SESN3: variants seen among roughly 807,000 people sequenced by gnomAD.
The protein encoded by SESN3 is sestrin 3, also known as sestrin-3.
A neutral mutation model predicts 55.3 loss-of-function variants in SESN3; 21 were observed. The observed-to-expected ratio is 0.38, with a 90% CI of 0.27 to 0.55. The LOEUF (loss-of-function observed/expected upper bound fraction) is 0.55, where lower values mean the gene tolerates loss of function less well. SESN3 is among the 20% of genes least tolerant of loss of function. The pLI is 0.76. For missense variants in SESN3, 408 were observed against 604.3 expected (o/e 0.68, Z 3.41); for synonymous variants, 181 against 203.1 (o/e 0.89, Z 0.93).
intron 1 of SESN3, among the ~76,000 whole-genome samples, chr11:95,228,614 ATTCTC>A (rs1860992136): frequency 6.6e-6 from 1 of 152,206 alleles, no homozygotes; most frequent in Non-Finnish European, 1.5e-5. Flanking sequence ...CTACATACTG[ATTCTC>A]TTAAGAGCAC....
chr11:95,173,173 G>C lies in SESN3; in HGVS notation c.*82C>G. 2 of 720,888 alleles carry C rather than the reference G, an allele frequency of 2.8e-6. No homozygotes were observed. The highest frequency in any genetic ancestry group is 2.2e-5 in the Admixed American group (1 of 44,734). The allele number at this position is 720,888 out of a possible 1,614,324, so 44.7% of individuals were successfully genotyped here. ...GACACTAGAGAACTGAATAATTTTT[G>C]ATGCTATATCACAAATAGCTTCAAT... On this transcript the variant is annotated 3_prime_UTR_variant, in exon 10 of 10. Coordinates refer to ENST00000536441, the MANE Select transcript of SESN3 (RefSeq NM_144665.4).
At chr11:95,213,285 C>A (rs1382084781) in intron 1 of SESN3, among the ~76,000 whole-genome samples, 1 of 152,094 alleles carries the variant, frequency 6.6e-6, no homozygotes, top group Non-Finnish European at 1.5e-5. Context: ...TTAACAGTAA[C>A]CTCAGAGTAT....
At chr11:95,224,481 T>C (rs1860913884) in intron 1 of SESN3, 1 of 437,972 alleles carries the variant, frequency 2.3e-6, no homozygotes, top group Non-Finnish European at 4.5e-6. Flanking sequence ...TTGGCTGCTC[T>C]TGGCTGAAAA....
At chr11:95,186,711 C>T (rs566877224) in intron 4 of SESN3, among the ~76,000 whole-genome samples, 30 of 150,994 alleles carry the variant, frequency 2.0e-4, no homozygotes, top group South Asian at 1.3e-3. Flanking sequence ...CACTATGTAC[C>T]CCATGGATAT....
At chr11:95,226,051 G>C (rs1287254289) in intron 1 of SESN3, among the ~76,000 whole-genome samples, 1 of 145,588 alleles carries the variant, frequency 6.9e-6, no homozygotes, top group Non-Finnish European at 1.5e-5. Flanking sequence ...AAAAAAAAAA[G>C]TCATTCTGAC....
intron 9 of SESN3, among the ~76,000 whole-genome samples, chr11:95,174,833 A>C (rs1859925327): frequency 1.3e-5 from 2 of 152,066 alleles, no homozygotes; most frequent in Admixed American, 1.3e-4. Context: ...TTTATTGACT[A>C]GTAACCCAAT....
At chr11:95,232,402 C>T (rs574065418), upstream of SESN3, 1 of 152,396 alleles carries the variant, frequency 6.6e-6, no homozygotes, top group African/African-American at 2.4e-5. Flanking sequence ...TGATTGGTGC[C>T]CGGTCCTCAC....
In SESN3 at chr11:95,230,154, C is replaced by G. The variant is rs900159495; in HGVS notation, c.78+629G>C. On this transcript the variant is annotated intron_variant, in intron 1 of 9. Transcript: ENST00000536441. The surrounding 1 kb of genome is among the most constrained non-coding windows in gnomAD (Gnocchi z 4.6). Reference sequence around the variant, plus strand: ...CACCTCAGTCTTCTCCTCCCCCAACCCCAGCCTCAGGAACTGGCCAGGTCG... The same window carrying G: ...CACCTCAGTCTTCTCCTCCCCCAACGCCAGCCTCAGGAACTGGCCAGGTCG... 6 of 152,474 alleles carry G rather than the reference C, an allele frequency of 3.9e-5. No homozygotes were observed. The highest frequency in any genetic ancestry group is 7.3e-5 in the Non-Finnish European group (5 of 68,328). 9.4% of individuals were successfully genotyped at this position (152,474 alleles called of 1,614,324 possible). A position where few individuals can be genotyped will look rare whatever the true frequency, so the allele number is the denominator to read the frequency against.
intron 1 of SESN3, among the ~76,000 whole-genome samples, chr11:95,215,792 T>G (rs929683746): frequency 6.6e-6 from 1 of 152,194 alleles, no homozygotes; most frequent in African/African-American, 2.4e-5. Flanking sequence ...TTCCACTGAT[T>G]TATGTCTTCA....
chr11:95,197,787 T>A (rs1449449138), intron 1 of SESN3, among the ~76,000 whole-genome samples: 1 of 152,090 alleles, frequency 6.6e-6, no homozygotes, highest in Non-Finnish European at 1.5e-5. Flanking sequence ...ATGGAGCAGA[T>A]GAAGGAAAAA....
chr11:95,213,377 G>T (rs1263597195), intron 1 of SESN3, among the ~76,000 whole-genome samples: 1 of 152,126 alleles, frequency 6.6e-6, no homozygotes, highest in Admixed American at 6.5e-5. Flanking sequence ...ATTTAGTCAA[G>T]GGGCAAACAA....
intron 1 of SESN3, among the ~76,000 whole-genome samples, chr11:95,213,795 T>TC (rs1371595940): frequency 6.6e-6 from 1 of 152,196 alleles, no homozygotes; most frequent in Non-Finnish European, 1.5e-5. Context: ...ACTCTTTTTT[T>TC]CTCAGGCATG....
chr11:95,217,495 T>C (rs1860781176), intron 1 of SESN3, among the ~76,000 whole-genome samples: 1 of 151,738 alleles, frequency 6.6e-6, no homozygotes, highest in Non-Finnish European at 1.5e-5. Flanking sequence ...CTACTAAAAA[T>C]ACAAAAATTA....
intron 1 of SESN3, among the ~76,000 whole-genome samples, chr11:95,229,397 T>C (rs1026336602): frequency 2.6e-5 from 4 of 152,160 alleles, no homozygotes; most frequent in Admixed American, 2.6e-4. Flanking sequence ...AACATGCACA[T>C]TTAATAAAAA....
chr11:95,222,808 A>G (rs112339842), intron 1 of SESN3, among the ~76,000 whole-genome samples: 1 of 152,362 alleles, frequency 6.6e-6, no homozygotes, highest in African/African-American at 2.4e-5. Context: ...TTTTTGAAAG[A>G]CAAATAGGAA....
At chr11:95,198,825 C>G (rs556481196) in intron 1 of SESN3, among the ~76,000 whole-genome samples, 17 of 152,208 alleles carry the variant, frequency 1.1e-4, no homozygotes, top group African/African-American at 4.1e-4. Flanking sequence ...GCCAAAAGTT[C>G]TATGGTATAG....
chr11:95,194,710 A>AT (rs1860329493), intron 1 of SESN3, among the ~76,000 whole-genome samples: 1 of 152,130 alleles, frequency 6.6e-6, no homozygotes, highest in Non-Finnish European at 1.5e-5. Context: ...GGATTCCAAT[A>AT]TTGGTATTTC....
chr11:95,201,960 C>T (rs1321624618), intron 1 of SESN3, among the ~76,000 whole-genome samples: 1 of 151,986 alleles, frequency 6.6e-6, no homozygotes, highest in Non-Finnish European at 1.5e-5. Context: ...GATCTGCCTT[C>T]CCTTTTTCTC....
intron 9 of SESN3, among the ~76,000 whole-genome samples, 194 bp from the exon 10 acceptor site, chr11:95,173,535 T>TA (rs1330276061): frequency 6.6e-6 from 1 of 152,100 alleles, no homozygotes; most frequent in Non-Finnish European, 1.5e-5. Flanking sequence ...AAATAACCCA[T>TA]AAAATCTAAA....
Sources: allele counts gnomAD v4.1 joint callset (sites outside exome capture counted in the v4.1 genomes callset), GRCh38; gene constraint gnomAD v4.1.1; non-coding constraint Gnocchi (gnomAD v3.1); transcripts MANE v1.5; gene names NCBI Gene and HGNC (gene_info 2026-07-23, HGNC 2026-07-21).